Variants in ZCWPW2 observed in about 807,000 individuals in gnomAD.
ZCWPW2 encodes zinc finger CW-type and PWWP domain containing 2.
A neutral mutation model predicts 46.6 loss-of-function variants in ZCWPW2; 45 were observed. The ratio of observed to expected loss-of-function variants is 0.96; its 90% confidence interval spans 0.76 to 1.24. The LOEUF (loss-of-function observed/expected upper bound fraction) is 1.24. Among genes scored for constraint, ZCWPW2 ranks in the 50% most tolerant of loss-of-function variants. ZCWPW2 has a pLI of 0.00. For synonymous variants in ZCWPW2, 152 were observed against 137.1 expected, an observed-to-expected ratio of 1.11 and a Z score of -0.76; for missense variants, 429 against 403.9, an observed-to-expected ratio of 1.06 and a Z score of -0.53.
chr3:28,404,746 G>T (rs1311694525), intron 2 of ZCWPW2, among the ~76,000 whole-genome samples: 2 of 152,172 alleles, frequency 1.3e-5, no homozygotes, highest in Non-Finnish European at 2.9e-5. Context: ...GGATGAGATT[G>T]GAGACTATTA....
chr3:28,373,082 C>G (rs1705390241), intron 1 of ZCWPW2, among the ~76,000 whole-genome samples: 1 of 152,130 alleles, frequency 6.6e-6, no homozygotes, highest in African/African-American at 2.4e-5. Flanking sequence ...TAGGGTGATT[C>G]CATAATTTGG....
intron 6 of ZCWPW2, among the ~76,000 whole-genome samples, chr3:28,508,777 C>G (rs930091352): frequency 2.0e-5 from 3 of 152,184 alleles, no homozygotes; most frequent in Non-Finnish European, 4.4e-5. Context: ...ATCTGCCCAC[C>G]TTGGCCTCCC....
chr3:28,383,353 A>G (rs765081165), intron 1 of ZCWPW2, among the ~76,000 whole-genome samples: 3 of 149,380 alleles, frequency 2.0e-5, no homozygotes. Context: ...CACAAAGCAA[A>G]GGTTAATGCT....
At chr3:28,412,001 G>A (rs2125739781) in intron 2 of ZCWPW2, among the ~76,000 whole-genome samples, 1 of 152,014 alleles carries the variant, frequency 6.6e-6, no homozygotes, top group East Asian at 1.9e-4. Context: ...GAAATATATG[G>A]ACAAATTTCT....
chr3:28,443,665 T>C (rs979173536), intron 4 of ZCWPW2, among the ~76,000 whole-genome samples: 1 of 152,204 alleles, frequency 6.6e-6, no homozygotes, highest in African/African-American at 2.4e-5. Context: ...TGGTTGAGTA[T>C]CATCACTTGG....
At chr3:28,510,680 A>G (rs1167962819) in intron 6 of ZCWPW2, among the ~76,000 whole-genome samples, 1 of 152,032 alleles carries the variant, frequency 6.6e-6, no homozygotes, top group African/African-American at 2.4e-5. Context: ...AGAGCTACCT[A>G]CCTCAGCCAA....
intron 1 of ZCWPW2, among the ~76,000 whole-genome samples, chr3:28,384,295 C>T (rs1575072991): frequency 6.6e-6 from 1 of 152,016 alleles, no homozygotes; most frequent in Non-Finnish European, 1.5e-5. Flanking sequence ...CTGTTTTGTA[C>T]TTTTTATGTT....
chr3:28,478,785 A>T (rs546949639), intron 4 of ZCWPW2, 29 bp from the exon 5 acceptor site: 28 of 1,268,122 alleles, frequency 2.2e-5, no homozygotes, highest in African/African-American at 2.2e-4. Context: ...TTAAAAATGA[A>T]TTTTTTTCTT....
intron 1 of ZCWPW2, among the ~76,000 whole-genome samples, chr3:28,358,572 T>TA (rs1348147443): frequency 6.6e-6 from 1 of 152,172 alleles, no homozygotes; most frequent in African/African-American, 2.4e-5. Flanking sequence ...AAGGGAATCT[T>TA]ATATGTCTGG....
At chr3:28,502,478 C>T (rs1232333158) in intron 6 of ZCWPW2, among the ~76,000 whole-genome samples, 1 of 152,108 alleles carries the variant, frequency 6.6e-6, no homozygotes, top group Non-Finnish European at 1.5e-5. Flanking sequence ...GCCAAACTGC[C>T]TACTTGTGGT....
At chr3:28,389,851 A>C (rs964970161) in intron 1 of ZCWPW2, among the ~76,000 whole-genome samples, 2 of 152,140 alleles carry the variant, frequency 1.3e-5, no homozygotes, top group East Asian at 1.9e-4. Context: ...CTTCTGGTAA[A>C]ATTCCTTCTT....
At chr3:28,472,908 A>G (rs1252625651) in intron 4 of ZCWPW2, among the ~76,000 whole-genome samples, 1 of 152,188 alleles carries the variant, frequency 6.6e-6, no homozygotes, top group African/African-American at 2.4e-5. Context: ...ATCTAATAAA[A>G]AAATGGGCAA....
intron 2 of ZCWPW2, among the ~76,000 whole-genome samples, chr3:28,409,919 A>C (rs1280949955): frequency 6.6e-6 from 1 of 152,132 alleles, no homozygotes; most frequent in Non-Finnish European, 1.5e-5. Context: ...TAAAAATGCA[A>C]ATCCCAACTA....
At chr3:28,492,438 A>G (rs1478795793) in intron 6 of ZCWPW2, among the ~76,000 whole-genome samples, 8 of 152,078 alleles carry the variant, frequency 5.3e-5, no homozygotes, top group Non-Finnish European at 1.2e-4. Context: ...TTTTACTTAA[A>G]TTATATTTCA....
At chr3:28,495,707 A>G (rs1023724350) in intron 6 of ZCWPW2, among the ~76,000 whole-genome samples, 78 of 151,972 alleles carry the variant, frequency 5.1e-4, no homozygotes, top group African/African-American at 1.8e-3. Context: ...CTAGTAACTC[A>G]TTTTTATTTT....
intron 4 of ZCWPW2, among the ~76,000 whole-genome samples, chr3:28,468,405 G>A (rs922700412): frequency 2.6e-5 from 4 of 152,060 alleles, no homozygotes; most frequent in African/African-American, 9.7e-5. Flanking sequence ...TATTTAAAGG[G>A]ATAATAACAG....
chr3:28,430,249 G>A (rs537328512), intron 3 of ZCWPW2, among the ~76,000 whole-genome samples: 8 of 152,326 alleles, frequency 5.3e-5, no homozygotes, highest in African/African-American at 1.7e-4. Flanking sequence ...TTGCATCAGC[G>A]TGACCTGGAT....
chr3:28,398,197 T>C (rs1695781333), intron 2 of ZCWPW2: 1 of 152,208 alleles, frequency 6.6e-6, no homozygotes, highest in Non-Finnish European at 1.5e-5. Context: ...CAGATGGCTA[T>C]CTTCTCACTG....
chr3:28,377,612 AG>A (rs1705545515), intron 1 of ZCWPW2, among the ~76,000 whole-genome samples: 1 of 152,064 alleles, frequency 6.6e-6, no homozygotes, highest in Non-Finnish European at 1.5e-5. Flanking sequence ...TTAAATCCAA[AG>A]GTCAATTGAG....
Sources: allele counts gnomAD v4.1 joint callset (sites outside exome capture counted in the v4.1 genomes callset), GRCh38; gene constraint gnomAD v4.1.1; transcripts MANE v1.5; gene names NCBI Gene and HGNC (gene_info 2026-07-23, HGNC 2026-07-21).